The following NAV3 variants were observed in gnomAD, a reference collection of about 807,000 sequenced individuals.
The protein encoded by NAV3 is pore membrane and/or filament interacting like protein 1.
Under a neutral mutation model 244.7 loss-of-function variants are expected in NAV3, and 87 were observed. The ratio of observed to expected loss-of-function variants is 0.36; its 90% confidence interval spans 0.30 to 0.42. The LOEUF is 0.42. NAV3 is among the 20% of genes least tolerant of loss of function. NAV3 has a pLI of 1.00. For synonymous variants in NAV3, 1,126 were observed against 1,042.2 expected (o/e 1.08, Z -1.55); for missense variants, 2,663 against 2,893.3 (o/e 0.92, Z 1.83).
chr12:77,839,952 C>T (rs968222102), intron 1 of NAV3, among the ~76,000 whole-genome samples: 1 of 151,984 alleles, frequency 6.6e-6, no homozygotes, highest in African/African-American at 2.4e-5. Context: ...AAGTGCTTGC[C>T]ATCTCAGCTA....
chr12:77,889,532 ACTACT>A (rs1252864822), intron 1 of NAV3, among the ~76,000 whole-genome samples: 2 of 152,192 alleles, frequency 1.3e-5, no homozygotes, highest in African/African-American at 4.8e-5. Flanking sequence ...GACTATTTTA[ACTACT>A]CTAAGTTAAT....
intron 12 of NAV3, among the ~76,000 whole-genome samples, chr12:78,073,263 G>C (rs1201623361): frequency 7.5e-6 from 1 of 133,900 alleles, no homozygotes; most frequent in African/African-American, 2.8e-5. Context: ...GTTTGCAGAC[G>C]ACATGATTGT....
chr12:77,648,308 C>T (rs1005414319), intron 2 of NAV3, among the ~76,000 whole-genome samples: 8 of 152,016 alleles, frequency 5.3e-5, no homozygotes, highest in African/African-American at 1.7e-4. Context: ...CACACATACT[C>T]GTACACACAC....
chr12:77,692,355 C>T (rs1875073050), intron 2 of NAV3, among the ~76,000 whole-genome samples: 1 of 152,022 alleles, frequency 6.6e-6, no homozygotes, highest in African/African-American at 2.4e-5. Flanking sequence ...AGGACCCAAA[C>T]ACCTTGGGTC....
At chr12:78,064,572 C>T (rs1295480382) in intron 12 of NAV3, among the ~76,000 whole-genome samples, 2 of 152,006 alleles carry the variant, frequency 1.3e-5, no homozygotes, top group African/African-American at 4.8e-5. Context: ...ACCTGAATTA[C>T]CTCTGTAAAA....
At chr12:78,169,595 T>C (rs1215723424) in intron 24 of NAV3, among the ~76,000 whole-genome samples, 1 of 151,698 alleles carries the variant, frequency 6.6e-6, no homozygotes, top group Admixed American at 6.6e-5. Flanking sequence ...AAAAATCCTG[T>C]CCTAAAACAT....
At chr12:77,697,384 G>A (rs942773641) in intron 2 of NAV3, among the ~76,000 whole-genome samples, 4 of 152,158 alleles carry the variant, frequency 2.6e-5, no homozygotes, top group Admixed American at 6.6e-5. Context: ...AGATGTTAGA[G>A]TAAGACAGTC....
chr12:77,868,276 T>C (rs1880388825), intron 1 of NAV3, among the ~76,000 whole-genome samples: 1 of 152,106 alleles, frequency 6.6e-6, no homozygotes, highest in Admixed American at 6.5e-5. Context: ...TAAATAATTG[T>C]ATGAGTGCCT....
chr12:78,109,403 G>T (rs1593616568), intron 12 of NAV3, among the ~76,000 whole-genome samples: 2 of 152,002 alleles, frequency 1.3e-5, no homozygotes, highest in East Asian at 3.9e-4. Context: ...TCTTCTTGAT[G>T]CTATTACAAT....
chr12:78,037,683 T>A (rs1400206661), intron 9 of NAV3, among the ~76,000 whole-genome samples: 4 of 152,112 alleles, frequency 2.6e-5, no homozygotes, highest in Non-Finnish European at 5.9e-5. Flanking sequence ...CATAAATAAG[T>A]TAACATTTTA....
At chr12:77,596,918 A>G (rs1021850410) in intron 2 of NAV3, among the ~76,000 whole-genome samples, 2 of 152,114 alleles carry the variant, frequency 1.3e-5, no homozygotes, top group African/African-American at 4.8e-5. Flanking sequence ...GAGGGGTACA[A>G]TAAAAGTTGT....
chr12:78,004,978 A>G (rs1235843968), intron 7 of NAV3, among the ~76,000 whole-genome samples: 1 of 152,140 alleles, frequency 6.6e-6, no homozygotes, highest in Admixed American at 6.5e-5. Context: ...TTGAACTTCT[A>G]TAGCAGTCTT....
rs567006815 is a variant in NAV3 at position 78,122,063 on chromosome 12, G to A, written c.3873G>A (p.Pro1291=). Residue 1291 remains proline, a synonymous_variant, in exon 16 of 40, where the codon CCG becomes CCA. Coordinates refer to ENST00000397909, the MANE Select transcript of NAV3 (RefSeq NM_001024383.2). ...CGCGGCAAGGCAGTCTGGAGTCACCGTCGTCCGGTACGGGCAGCATGGGCA... is the reference window on the plus strand; with the variant it reads ...CGCGGCAAGGCAGTCTGGAGTCACCATCGTCCGGTACGGGCAGCATGGGCA... ...TLARQGSLES[P]SSGTGSMGSA... is the part of the protein sequence containing the mutation. 31 of 1,614,184 alleles carry A rather than the reference G, an allele frequency of 1.9e-5. No homozygotes were observed. Among genetic ancestry groups the A allele is most frequent in the South Asian group, 1.9e-4 (17 of 91,088 alleles).
intron 5 of NAV3, among the ~76,000 whole-genome samples, chr12:77,982,377 TGATGTTCCTCTTCAAATC>T (rs1565985194): frequency 3.3e-5 from 2 of 61,252 alleles, no homozygotes; most frequent in Non-Finnish European, 9.4e-5. Flanking sequence ...TAAGATAAAG[TGATGTTCCTCTTCAAATC>T]ACCCACAATC....
At chr12:78,036,947 G>T in intron 9 of NAV3, 2 of 702,936 alleles carry the variant, frequency 2.8e-6, no homozygotes, top group South Asian at 3.0e-5. Context: ...AAAAGTCTCT[G>T]ACCAATCTTT....
chr12:77,631,335 A>G (rs558893031), intron 2 of NAV3, among the ~76,000 whole-genome samples: 15 of 151,784 alleles, frequency 9.9e-5, no homozygotes, highest in African/African-American at 3.6e-4. Context: ...TAGCTACTCC[A>G]GGGAACAAAT....
At chr12:78,071,837 C>A (rs1952786701) in intron 12 of NAV3, among the ~76,000 whole-genome samples, 1 of 152,192 alleles carries the variant, frequency 6.6e-6, no homozygotes, top group African/African-American at 2.4e-5. Context: ...CAAACTATCT[C>A]TCAGACCACA....
intron 22 of NAV3, 120 bp from the exon 23 acceptor site, chr12:78,159,083 T>C: frequency 1.6e-6 from 1 of 644,002 alleles, no homozygotes; most frequent in South Asian, 2.3e-5. Context: ...CTAACTATGA[T>C]AGTCATAGTA....
chr12:77,820,109 T>TGTGC (rs1555208438), intron 2 of NAV3, among the ~76,000 whole-genome samples: 1 of 148,680 alleles, frequency 6.7e-6, no homozygotes, highest in Non-Finnish European at 1.5e-5. Flanking sequence ...TGTGTGTGTG[T>TGTGC]GCACACGCAC....
Sources: allele counts gnomAD v4.1 joint callset (sites outside exome capture counted in the v4.1 genomes callset), GRCh38; gene constraint gnomAD v4.1.1; transcripts MANE v1.5; gene names NCBI Gene and HGNC (gene_info 2026-07-23, HGNC 2026-07-21).